The following ALDH1A2 variants were observed in gnomAD, a reference collection of about 807,000 sequenced individuals.
ALDH1A2 encodes the protein aldehyde dehydrogenase 1 family member A2, also known as retinal dehydrogenase 2.
A neutral mutation model predicts 60.3 loss-of-function variants in ALDH1A2; 27 were observed. The ratio of observed to expected loss-of-function variants is 0.45; its 90% CI spans 0.33 to 0.62. The LOEUF is 0.62. Ranked by LOEUF, ALDH1A2 falls within the 20% of genes least tolerant of loss-of-function variation. ALDH1A2 has a pLI of 0.02. For synonymous variants in ALDH1A2, 289 were observed against 232.4 expected (o/e 1.24, Z -2.21); for missense variants, 581 against 643.8 (o/e 0.90, Z 1.06).
At chr15:57,969,613 G>T (rs562459909) in intron 7 of ALDH1A2, among the ~76,000 whole-genome samples, 14 of 152,276 alleles carry the variant, frequency 9.2e-5, no homozygotes, top group African/African-American at 3.4e-4. Context: ...GTGGTTAAAA[G>T]TCAAGTTAAT....
intron 4 of ALDH1A2, among the ~76,000 whole-genome samples, chr15:57,999,741 C>CA (rs1895194984): frequency 6.6e-6 from 1 of 151,978 alleles, no homozygotes; most frequent in African/African-American, 2.4e-5. Flanking sequence ...ATAAATCATT[C>CA]TGTTATAAAG....
intron 4 of ALDH1A2, among the ~76,000 whole-genome samples, chr15:58,000,687 G>C (rs536678829): frequency 6.6e-6 from 1 of 151,778 alleles, no homozygotes; most frequent in African/African-American, 2.4e-5. Context: ...AGTGCTACAC[G>C]GGATGCTATA....
chr15:58,024,497 C>T (rs1316617981), intron 1 of ALDH1A2, among the ~76,000 whole-genome samples: 2 of 152,026 alleles, frequency 1.3e-5, no homozygotes, highest in Middle Eastern at 3.2e-3. Flanking sequence ...ATGAGGGAAT[C>T]AATTCAACAA....
At chr15:57,963,179 G>A (rs1333848727) in intron 9 of ALDH1A2, among the ~76,000 whole-genome samples, 1 of 152,102 alleles carries the variant, frequency 6.6e-6, no homozygotes, top group Non-Finnish European at 1.5e-5. Flanking sequence ...GATGGCTCTA[G>A]GAAAGAAAGA....
chr15:58,040,135 G>C, intron 1 of ALDH1A2, among the ~76,000 whole-genome samples: 1 of 151,882 alleles, frequency 6.6e-6, no homozygotes, highest in East Asian at 1.9e-4. Flanking sequence ...GAGGCAATTT[G>C]TGTGTCTTAA....
intron 5 of ALDH1A2, among the ~76,000 whole-genome samples, chr15:57,994,719 C>T (rs1327434257): frequency 2.0e-5 from 3 of 152,026 alleles, no homozygotes; most frequent in Non-Finnish European, 2.9e-5. Context: ...AATAATATGC[C>T]TGGAAGGATG....
chr15:57,971,489 G>T lies in ALDH1A2; in HGVS notation c.799-5662C>A, dbSNP rs541492156. ...TGCCAAGGTTGAACTGTAGTAGTAT[G>T]ATTATGGCTCACTGCATCCTTGAAA... On this transcript the variant is annotated intron_variant, in intron 7 of 12. Transcript: ENST00000249750. 7.9e-5 allele frequency among the ~76,000 whole-genome samples: 12 copies of T among 152,266 alleles called. 2 individuals carry two copies. The highest frequency in any genetic ancestry group is 2.9e-4 in the African/African-American group (12 of 41,564).
rs779384591 is a variant in ALDH1A2 at position 58,065,702 on chromosome 15, C to G, written c.-52G>C. The G allele has an allele frequency of 1.6e-6, 2 of 1,285,206 alleles. No homozygotes were observed. The highest frequency in any genetic ancestry group is 1.5e-5 in the South Asian group (1 of 66,882). 79.6% of individuals were successfully genotyped at this position (1,285,206 alleles called of 1,614,324 possible). On this transcript the variant is annotated 5_prime_UTR_variant, in exon 1 of 13. Coordinates refer to ENST00000249750, the MANE Select transcript of ALDH1A2 (RefSeq NM_003888.4). ...GCGGCGTGGGGCAGTGCGGGCTGTG[C>G]GCGCGGTCCGCGGCCCGGGGGCGCG...
chr15:58,028,804 G>A (rs1363577438), intron 1 of ALDH1A2, among the ~76,000 whole-genome samples: 4 of 152,088 alleles, frequency 2.6e-5, no homozygotes, highest in African/African-American at 7.2e-5. Context: ...AGACAAAAAA[G>A]GCCATTACAT....
chr15:58,006,726 T>A (rs1463952178), intron 4 of ALDH1A2, among the ~76,000 whole-genome samples: 1 of 145,834 alleles, frequency 6.9e-6, no homozygotes, highest in African/African-American at 2.5e-5. Flanking sequence ...TTTGCAGTAG[T>A]GAGGTGGTTC....
chr15:57,963,809 G>T, intron 9 of ALDH1A2, 76 bp downstream of exon 9: 1 of 1,484,022 alleles, frequency 6.7e-7, no homozygotes, highest in Non-Finnish European at 9.3e-7. Flanking sequence ...CGCTTTGCTG[G>T]GACCTACTAC....
At chr15:58,060,242 C>T (rs1896990513) in intron 1 of ALDH1A2, among the ~76,000 whole-genome samples, 1 of 152,124 alleles carries the variant, frequency 6.6e-6, no homozygotes, top group African/African-American at 2.4e-5. Flanking sequence ...TAATTCTGAT[C>T]TTCCTTAAAA....
chr15:57,954,267 T>C lies in ALDH1A2; in HGVS notation c.*930A>G, dbSNP rs1893442355. The C allele has an allele frequency of 6.6e-6, 1 of 152,456 alleles. No individual in the cohort carries two copies. The highest frequency in any genetic ancestry group is 1.5e-5 in the Non-Finnish European group (1 of 68,056). The allele number at this position is 152,456 out of a possible 1,614,324, so 9.4% of individuals were successfully genotyped here. Reference sequence around the variant, plus strand: ...ACTACAGAAATAATTCATTTAATAATAATTGTTGCCCAATATTAGAAACTG... The same window carrying C: ...ACTACAGAAATAATTCATTTAATAACAATTGTTGCCCAATATTAGAAACTG... On this transcript the variant is annotated 3_prime_UTR_variant, in exon 13 of 13. Transcript: ENST00000249750.
intron 1 of ALDH1A2, among the ~76,000 whole-genome samples, chr15:58,039,261 TCTC>T (rs1373807740): frequency 6.6e-6 from 1 of 151,568 alleles, no homozygotes; most frequent in Non-Finnish European, 1.5e-5. Flanking sequence ...GTTTTTTTTT[TCTC>T]CTTCTTTATT....
chr15:57,992,714 C>G lies in ALDH1A2; in HGVS notation c.789G>C (p.Gly263=), dbSNP rs758948110. The G allele has an allele frequency of 3.7e-6, 6 of 1,614,038 alleles. No homozygotes were observed. The Admixed American group carries it at 1.0e-4, about 27-fold the overall frequency. The change falls in exon 7 of 13, where the codon GGG becomes GGC. Residue 263 remains glycine (G), a synonymous_variant. Coordinates refer to ENST00000249750, the MANE Select transcript of ALDH1A2 (RefSeq NM_003888.4). The stretch of plus-strand genomic sequence containing the variant: ...TTTTTCAGATACCTACCTCAGTAGA[C>G]CCTGTGAATGCAATCTTGTCTATGC... ...HIGIDKIAFT[G]STEVGKLIQE...
intron 4 of ALDH1A2, among the ~76,000 whole-genome samples, chr15:58,005,826 C>A (rs1216812907): frequency 6.6e-6 from 1 of 151,652 alleles, no homozygotes; most frequent in African/African-American, 2.4e-5. Context: ...CAGGGAGATC[C>A]CCACCTCAAG....
intron 4 of ALDH1A2, among the ~76,000 whole-genome samples, chr15:58,003,323 C>A (rs1377457237): frequency 6.6e-6 from 1 of 151,838 alleles, no homozygotes; most frequent in Non-Finnish European, 1.5e-5. Flanking sequence ...TCTGATGGAA[C>A]AAGAATACTT....
intron 10 of ALDH1A2, 98 bp from the exon 11 acceptor site, chr15:57,961,392 T>C: frequency 7.1e-7 from 1 of 1,415,088 alleles, no homozygotes; most frequent in Non-Finnish European, 9.8e-7. Flanking sequence ...ATTACTTAAA[T>C]GACCTTTAAG....
In ALDH1A2 at chr15:58,010,700, G is replaced by A; in HGVS notation, c.442C>T (p.Arg148Ter). ...TTATCAGCCCAGCCTGCGTAATATC[G>A]AAAGGTTTTGATGACGCCCTGCAAA... ...VDLQGVIKTF[R>*]YYAGWADKIH... The change falls in exon 4 of 13, where the codon CGA (arginine) becomes TGA (stop). Residue 148 changes from arginine (R) to a stop codon, truncating the protein, a stop_gained. Transcript: ENST00000249750. LOFTEE classifies it high-confidence loss of function. The A allele has an allele frequency of 1.9e-6, 3 of 1,613,508 alleles. No homozygotes were observed. Among genetic ancestry groups the A allele is most frequent in the East Asian group, 4.5e-5 (2 of 44,864 alleles).
Sources: gnomAD v4.1 joint callset for allele counts (sites outside exome capture counted in the v4.1 genomes callset) on GRCh38, gnomAD v4.1.1 for gene constraint, MANE v1.5 for transcripts, NCBI Gene and HGNC (gene_info 2026-07-23, HGNC 2026-07-21) for gene names.